Variants in ZZEF1 observed in about 807,000 individuals in gnomAD.
ZZEF1 encodes the protein zinc finger ZZ-type and EF-hand domain-containing protein 1.
Under a neutral mutation model 342.8 loss-of-function variants are expected in ZZEF1, and 157 were observed. The observed-to-expected ratio is 0.46, with a 90% CI of 0.40 to 0.52. ZZEF1 has a LOEUF of 0.52. ZZEF1 is among the 20% of genes least tolerant of loss of function. The pLI, the probability that ZZEF1 is intolerant of heterozygous loss-of-function variation, is 0.00. For synonymous variants in ZZEF1, 1,505 were observed against 1,429.1 expected (o/e 1.05, Z -1.20); for missense variants, 3,480 against 3,725.6 (o/e 0.93, Z 1.72).
At chr17:4,094,621 C>T (rs1032868017) in intron 11 of ZZEF1, among the ~76,000 whole-genome samples, 11 of 152,170 alleles carry the variant, frequency 7.2e-5, no homozygotes, top group African/African-American at 2.4e-4. Flanking sequence ...AATCTGAGCT[C>T]ATCATCTTCC....
chr17:4,075,965 G>A (rs2057606183), intron 21 of ZZEF1: 1 of 150,858 alleles, frequency 6.6e-6, no homozygotes, highest in South Asian at 2.1e-4. Context: ...CGTTATGTAT[G>A]TATAATTAAG....
At chr17:4,127,790 G>C (rs2145570278) in intron 1 of ZZEF1, among the ~76,000 whole-genome samples, 1 of 152,336 alleles carries the variant, frequency 6.6e-6, no homozygotes, top group East Asian at 1.9e-4. Flanking sequence ...CTGGCAGCTA[G>C]CCCCATAGCC....
At chr17:4,084,098 A>G (rs2057775700) in intron 16 of ZZEF1, among the ~76,000 whole-genome samples, 1 of 152,222 alleles carries the variant, frequency 6.6e-6, no homozygotes, top group Non-Finnish European at 1.5e-5. Flanking sequence ...AACGACAGTA[A>G]GCATCCTTGT....
intron 43 of ZZEF1, 38 bp from the exon 44 acceptor site, chr17:4,022,866 G>A: frequency 6.2e-7 from 1 of 1,609,094 alleles, no homozygotes; most frequent in Middle Eastern, 1.7e-4. Flanking sequence ...GACTGCCTTG[G>A]AGTGAAGAAG....
chr17:4,117,142 G>C lies in ZZEF1; in HGVS notation c.524C>G (p.Ser175Trp). ...CGAGTGAATATCAAGGCCCTCCTTCGACTCTGAAAATATGTCTGTGAAACC... is the reference window on the plus strand; with the variant it reads ...CGAGTGAATATCAAGGCCCTCCTTCCACTCTGAAAATATGTCTGTGAAACC... The part of the protein sequence containing the change: ...VPGFTDIFSE[S>W]KEGLDIHSSM... The change falls in exon 3 of 55, where the codon TCG (serine) becomes TGG (tryptophan). Residue 175 changes from serine to tryptophan, a missense_variant. Ser to Trp is a radical substitution (Grantham distance 177). Coordinates refer to ENST00000381638, the MANE Select transcript of ZZEF1 (RefSeq NM_015113.4). The C allele has an allele frequency of 6.2e-7, 1 of 1,613,086 alleles. No homozygotes were observed. The highest frequency in any genetic ancestry group is 8.5e-7 in the Non-Finnish European group (1 of 1,179,384).
intron 22 of ZZEF1, 31 bp downstream of exon 22, chr17:4,075,232 G>A (rs751573353): frequency 9.3e-6 from 15 of 1,613,484 alleles, no homozygotes; most frequent in African/African-American, 6.7e-5. Flanking sequence ...ACCTATTAGC[G>A]CTTGGGGGTG....
Position 4,014,516 on chromosome 17 carries a change from C to G in ZZEF1, c.8146-1G>C. On this transcript the variant is annotated splice_acceptor_variant, in intron 49 of 54. Transcript: ENST00000381638. LOFTEE classifies it high-confidence loss of function. The surrounding 1 kb of genome is among the most constrained non-coding windows in gnomAD (Gnocchi z 4.4). ...TGGCACCAGGAATGTGAACTTTATCCTAGGGAGGGGAAATGGAGAACACAT... is the reference window on the plus strand; with the variant it reads ...TGGCACCAGGAATGTGAACTTTATCGTAGGGAGGGGAAATGGAGAACACAT... The G allele has an allele frequency of 1.2e-6, 2 of 1,614,002 alleles. No individual in the cohort carries two copies. The highest frequency in any genetic ancestry group is 1.7e-6 in the Non-Finnish European group (2 of 1,179,942).
intron 39 of ZZEF1, among the ~76,000 whole-genome samples, chr17:4,035,310 A>G (rs1261295468): frequency 1.3e-5 from 2 of 152,226 alleles, no homozygotes; most frequent in East Asian, 3.9e-4. Flanking sequence ...CCATAGTATG[A>G]AAACAAAGCA....
rs1387773582 is a variant in ZZEF1, at chr17:4,062,878, C to T, written c.4758G>A (p.Gln1586=). The T allele has an allele frequency of 5.6e-6, 9 of 1,612,730 alleles. No homozygotes were observed. Among genetic ancestry groups the T allele is most frequent in the Non-Finnish European group, 7.6e-6 (9 of 1,179,622 alleles). Residue 1586 remains glutamine, a synonymous_variant, in exon 30 of 55, where the codon CAG becomes CAA. Coordinates refer to ENST00000381638, the MANE Select transcript of ZZEF1 (RefSeq NM_015113.4). ...KVLSLRKAQA[Q]SILEVLKITQ... ...TTATCTTCAGGACTTCCAGGATGCT[C>T]TGGGCCTGGGCTTTCCTCAGGGAAA...
chr17:4,114,809 C>A (rs1597913337), intron 3 of ZZEF1, among the ~76,000 whole-genome samples: 1 of 152,020 alleles, frequency 6.6e-6, no homozygotes, highest in Non-Finnish European at 1.5e-5. Context: ...AAAACCATGC[C>A]GAGAAGAAAA....
chr17:4,132,945 G>A (rs569851514), intron 1 of ZZEF1, among the ~76,000 whole-genome samples: 8 of 151,756 alleles, frequency 5.3e-5, no homozygotes, highest in South Asian at 2.1e-4. Flanking sequence ...CAGCCTGGGC[G>A]ACAGAGCGAG....
chr17:4,077,826 A>G, intron 19 of ZZEF1, 57 bp downstream of exon 19: 1 of 1,575,990 alleles, frequency 6.3e-7, no homozygotes. Context: ...AGAAGAGAAC[A>G]CTCAGAGTCA....
intron 32 of ZZEF1, chr17:4,056,813 C>T (rs778938885): frequency 3.3e-5 from 5 of 152,128 alleles, no homozygotes; most frequent in Non-Finnish European, 5.9e-5. Context: ...ATGACTCAGC[C>T]CTGGTCCTCA....
At chr17:4,019,886 G>A (rs1052321151) in intron 45 of ZZEF1, 117 bp from the exon 46 acceptor site, 20 of 701,738 alleles carry the variant, frequency 2.9e-5, no homozygotes, top group Admixed American at 3.3e-5. Flanking sequence ...GGTTATAATT[G>A]AGGAACATTA....
At chr17:4,030,687 G>T (rs1483225332) in intron 42 of ZZEF1, among the ~76,000 whole-genome samples, 1 of 152,096 alleles carries the variant, frequency 6.6e-6, no homozygotes, top group African/African-American at 2.4e-5. Context: ...TAGTGATGGG[G>T]GTCTCTACAA....
chr17:4,049,174 A>G (rs559938171), intron 37 of ZZEF1, among the ~76,000 whole-genome samples: 9 of 152,300 alleles, frequency 5.9e-5, no homozygotes, highest in African/African-American at 2.2e-4. Flanking sequence ...CCTCACAATA[A>G]GCCTATGTTA....
chr17:4,075,233 C>CT, intron 22 of ZZEF1, 30 bp downstream of exon 22: 1 of 1,613,666 alleles, frequency 6.2e-7, no homozygotes, highest in Non-Finnish European at 8.5e-7. Flanking sequence ...CCTATTAGCG[C>CT]TTGGGGGTGA....
intron 11 of ZZEF1, among the ~76,000 whole-genome samples, chr17:4,092,076 C>CAAA (rs764233105): frequency 0.012 from 356 of 29,664 alleles, 3 homozygotes; most frequent in African/African-American, 0.024. Flanking sequence ...AACTCCACCT[C>CAAA]AAAAAAAAAA....
intron 3 of ZZEF1, among the ~76,000 whole-genome samples, chr17:4,115,195 T>A (rs7213885): frequency 0.16 from 24,626 of 151,934 alleles, 2,060 homozygotes; most frequent in East Asian, 0.18. Flanking sequence ...CTAATTTTTT[T>A]AAAAATTTTT....
Sources: gnomAD v4.1 joint callset for allele counts (sites outside exome capture counted in the v4.1 genomes callset) on GRCh38, gnomAD v4.1.1 for gene constraint, Gnocchi (gnomAD v3.1) non-coding constraint, MANE v1.5 for transcripts, NCBI Gene and HGNC (gene_info 2026-07-23, HGNC 2026-07-21) for gene names.